Variants in CADPS2 observed in about 807,000 individuals in gnomAD.
CADPS2 encodes calcium dependent secretion activator 2.
A neutral mutation model predicts 172.5 loss-of-function variants in CADPS2; 93 were observed. That is an observed-to-expected ratio of 0.54 (90% CI 0.46 to 0.64). The LOEUF (loss-of-function observed/expected upper bound fraction) is 0.64. CADPS2 is among the 30% of genes least tolerant of loss of function. CADPS2 has a pLI of 0.00. For missense variants in CADPS2, 1,420 were observed against 1,565.9 expected, an observed-to-expected ratio of 0.91 and a Z score of 1.57; for synonymous variants, 546 against 555.2, an observed-to-expected ratio of 0.98 and a Z score of 0.23.
At chr7:122,445,468 ATAT>A (rs2052037212) in intron 15 of CADPS2, among the ~76,000 whole-genome samples, 1 of 152,016 alleles carries the variant, frequency 6.6e-6, no homozygotes, top group Non-Finnish European at 1.5e-5. Flanking sequence ...ATTGTAAATG[ATAT>A]TATTTAATTT....
intron 3 of CADPS2, among the ~76,000 whole-genome samples, chr7:122,638,668 T>G (rs1427890129): frequency 6.6e-6 from 1 of 152,146 alleles, no homozygotes; most frequent in Non-Finnish European, 1.5e-5. Context: ...AAGGGAGTCA[T>G]GGGGTTTTTC....
chr7:122,556,610 T>C (rs2065060531), intron 7 of CADPS2, among the ~76,000 whole-genome samples: 1 of 152,200 alleles, frequency 6.6e-6, no homozygotes, highest in African/African-American at 2.4e-5. Context: ...ATAACTGATT[T>C]TGGCTGATCC....
chr7:122,704,959 T>C (rs1368525701), intron 2 of CADPS2, among the ~76,000 whole-genome samples: 2 of 151,864 alleles, frequency 1.3e-5, no homozygotes, highest in Non-Finnish European at 1.5e-5. Flanking sequence ...AAAATATCAA[T>C]AGTAAGGTTA....
intron 28 of CADPS2, among the ~76,000 whole-genome samples, chr7:122,328,947 TAAG>T (rs2034433839): frequency 6.6e-6 from 1 of 152,156 alleles, no homozygotes; most frequent in East Asian, 1.9e-4. Context: ...AAACCCAATC[TAAG>T]AAGATCTTTA....
intron 1 of CADPS2, among the ~76,000 whole-genome samples, chr7:122,843,760 G>C (rs1207859396): frequency 1.3e-5 from 2 of 152,180 alleles, no homozygotes; most frequent in East Asian, 3.9e-4. Context: ...CTAATGAAGA[G>C]ATGGTAAAGA....
At chr7:122,685,001 C>G (rs1480580404) in intron 2 of CADPS2, among the ~76,000 whole-genome samples, 1 of 152,162 alleles carries the variant, frequency 6.6e-6, no homozygotes, top group African/African-American at 2.4e-5. Flanking sequence ...TACAGTGGCT[C>G]TCAATAAATA....
chr7:122,348,621 T>C (rs1193251594), intron 27 of CADPS2, among the ~76,000 whole-genome samples: 2 of 152,206 alleles, frequency 1.3e-5, no homozygotes, highest in African/African-American at 4.8e-5. Context: ...AATTATTTCT[T>C]CCTTTATCAT....
intron 9 of CADPS2, among the ~76,000 whole-genome samples, chr7:122,493,439 GA>G (rs2058471372): frequency 6.6e-6 from 1 of 152,144 alleles, no homozygotes; most frequent in South Asian, 2.1e-4. Flanking sequence ...AGGTCATTGT[GA>G]AAATTACCAT....
intron 1 of CADPS2, among the ~76,000 whole-genome samples, chr7:122,870,757 C>A (rs1819553144): frequency 6.6e-6 from 1 of 151,838 alleles, no homozygotes; most frequent in South Asian, 2.1e-4. Flanking sequence ...ATTTGTCACC[C>A]AAAAAGAGAT....
intron 29 of CADPS2, among the ~76,000 whole-genome samples, chr7:122,323,319 A>AT (rs1468784129): frequency 6.6e-6 from 1 of 152,152 alleles, no homozygotes. Context: ...ATTCATGAAA[A>AT]TTAATTTCAT....
chr7:122,387,312 C>T, intron 23 of CADPS2, 139 bp from the exon 24 acceptor site: 1 of 770,192 alleles, frequency 1.3e-6, no homozygotes, highest in Non-Finnish European at 2.0e-6. Context: ...TGCTTGGGAG[C>T]TAAGGGGTGG....
In CADPS2 at chr7:122,345,693, GA is replaced by G. The variant is rs766259642; in HGVS notation, c.3505-13del. Reference sequence around the variant, plus strand: ...TCCATTCCTGGTTTCTGTTGTGAAGGAAAAGCAGGGGGAACAAAATAATATC... The same window carrying G: ...TCCATTCCTGGTTTCTGTTGTGAAGGAAAGCAGGGGGAACAAAATAATATC... On this transcript the variant is annotated splice_polypyrimidine_tract_variant and intron_variant, in intron 27 of 29. Transcript: ENST00000449022. 97 of 1,502,168 alleles carry G rather than the reference GA, an allele frequency of 6.5e-5. No individual in the cohort carries two copies. The highest frequency in any genetic ancestry group is 2.1e-4 in the Admixed American group (12 of 57,520). The allele number at this position is 1,502,168 out of a possible 1,614,324, so 93.1% of individuals were successfully genotyped here.
intron 2 of CADPS2, among the ~76,000 whole-genome samples, chr7:122,731,433 G>A (rs752360993): frequency 6.6e-6 from 1 of 151,732 alleles, no homozygotes; most frequent in African/African-American, 2.4e-5. Flanking sequence ...TGGATAAAGT[G>A]CACCTGAATT....
intron 3 of CADPS2, among the ~76,000 whole-genome samples, chr7:122,631,620 T>C (rs1004651229): frequency 6.6e-6 from 1 of 151,880 alleles, no homozygotes; most frequent in Non-Finnish European, 1.5e-5. Flanking sequence ...CACATTTGTC[T>C]GAAAAAAAAG....
At chr7:122,765,911 G>A (rs1331619376) in intron 1 of CADPS2, among the ~76,000 whole-genome samples, 1 of 152,078 alleles carries the variant, frequency 6.6e-6, no homozygotes, top group East Asian at 1.9e-4. Context: ...TAGAGGAATT[G>A]TGAAGATGAA....
intron 1 of CADPS2, among the ~76,000 whole-genome samples, chr7:122,760,427 T>C (rs1000311232): frequency 6.6e-5 from 10 of 152,034 alleles, no homozygotes; most frequent in African/African-American, 2.4e-4. Flanking sequence ...TAAGACACAC[T>C]ATAATAGTAA....
rs1370785454 is a variant in CADPS2, at chr7:122,724,817, C to G, written c.453+12138G>C. Among the ~76,000 whole-genome samples, 7 of 152,068 alleles carry G rather than the reference C, an allele frequency of 4.6e-5. No homozygotes were observed. The East Asian group carries it at 1.4e-3, about 30-fold the overall frequency. ...AGTCCTGTAAGTCAGCGATTTCTAA[C>G]CATTTTTGAATCATGAACCTTTTGG... On this transcript the variant is annotated intron_variant, in intron 2 of 29. Transcript: ENST00000449022.
intron 1 of CADPS2, among the ~76,000 whole-genome samples, chr7:122,845,996 C>A (rs1811891628): frequency 1.3e-5 from 2 of 152,254 alleles, no homozygotes; most frequent in East Asian, 3.9e-4. Context: ...ACTGAAGCAT[C>A]TATGTATTCT....
At chr7:122,445,868 T>G (rs1373689095) in intron 15 of CADPS2, among the ~76,000 whole-genome samples, 2 of 152,150 alleles carry the variant, frequency 1.3e-5, no homozygotes, top group Non-Finnish European at 2.9e-5. Flanking sequence ...GAGTGGAATT[T>G]TTTAGATTCG....
Sources: allele counts gnomAD v4.1 joint callset (sites outside exome capture counted in the v4.1 genomes callset), GRCh38; gene constraint gnomAD v4.1.1; transcripts MANE v1.5; gene names NCBI Gene and HGNC (gene_info 2026-07-23, HGNC 2026-07-21).